The following PTPN11 variants were observed in gnomAD, a reference collection of about 807,000 sequenced individuals.
PTPN11 encodes the protein tyrosine-protein phosphatase non-receptor type 11.
Under a neutral mutation model 78.8 loss-of-function variants are expected in PTPN11, and 6 were observed. The ratio of observed to expected loss-of-function variants is 0.08; its 90% CI spans 0.04 to 0.15. The LOEUF is 0.15. PTPN11 is among the 10% of genes least tolerant of loss of function. The probability of loss-of-function intolerance (pLI) is 1.00; values close to 1 mark genes in which losing one functional copy is unlikely to be tolerated. For missense variants in PTPN11, 386 were observed against 744.8 expected (o/e 0.52, Z 5.61); for synonymous variants, 221 against 263.5 (o/e 0.84, Z 1.56).
chr12:112,439,448 C>T (rs1341678036), intron 1 of PTPN11, among the ~76,000 whole-genome samples: 1 of 151,970 alleles, frequency 6.6e-6, no homozygotes, highest in Non-Finnish European at 1.5e-5. Context: ...TGCCAGCCAC[C>T]ATGCCCAGCT....
At chr12:112,467,168 G>A (rs945364307) in intron 6 of PTPN11, among the ~76,000 whole-genome samples, 4 of 152,072 alleles carry the variant, frequency 2.6e-5, no homozygotes, top group Admixed American at 1.3e-4. Flanking sequence ...GAGTAGTGCC[G>A]TTGGGTACTC....
chr12:112,442,874 A>G (rs1566162806), intron 1 of PTPN11, among the ~76,000 whole-genome samples: 1 of 76,562 alleles, frequency 1.3e-5, no homozygotes, highest in East Asian at 5.3e-4. Context: ...ATATATATAT[A>G]TATAAATTAT....
chr12:112,491,640 C>A (rs967837041), intron 13 of PTPN11, among the ~76,000 whole-genome samples: 5 of 152,184 alleles, frequency 3.3e-5, no homozygotes, highest in Admixed American at 6.5e-5. Context: ...AGACCATCTT[C>A]AAATTTTGTC....
chr12:112,483,490 G>A (rs1181967672), intron 10 of PTPN11, among the ~76,000 whole-genome samples: 2 of 152,220 alleles, frequency 1.3e-5, no homozygotes, highest in African/African-American at 4.8e-5. Flanking sequence ...CAGCGCACCC[G>A]GCCAAGGGAG....
chr12:112,454,413 C>T, intron 4 of PTPN11, 151 bp from the exon 5 acceptor site: 1 of 716,278 alleles, frequency 1.4e-6, no homozygotes, highest in South Asian at 1.6e-5. Flanking sequence ...AGCCACTGCA[C>T]CCAGCCTATT....
chr12:112,490,198 G>A (rs1219303474), intron 13 of PTPN11, among the ~76,000 whole-genome samples: 6 of 151,954 alleles, frequency 3.9e-5, no homozygotes, highest in African/African-American at 1.2e-4. Flanking sequence ...TACTTAATTT[G>A]GCTCAAGAAT....
rs2038941636 is a variant in PTPN11, at chr12:112,506,887, C to T, written c.*1095C>T. Reference sequence around the variant, plus strand: ...CCCAAGAGCTCAAAAGCAGAAATGGCCAGGCCTTCTGAAAACTTAAGTCCA... The same window carrying T: ...CCCAAGAGCTCAAAAGCAGAAATGGTCAGGCCTTCTGAAAACTTAAGTCCA... On this transcript the variant is annotated 3_prime_UTR_variant, in exon 16 of 16. Transcript: ENST00000351677. 5.2e-6 allele frequency: 1 copy of T among 191,538 alleles called. No individual in the cohort carries two copies. Among genetic ancestry groups the T allele is most frequent in the Non-Finnish European group, 1.1e-5 (1 of 91,348 alleles). 11.9% of individuals were successfully genotyped at this position (191,538 alleles called of 1,614,324 possible). A position where few individuals can be genotyped will look rare whatever the true frequency, so the allele number is the denominator to read the frequency against.
At chr12:112,450,153 CAT>C (rs952327813) in intron 2 of PTPN11, among the ~76,000 whole-genome samples, 163 bp from the exon 3 acceptor site, 11 of 151,230 alleles carry the variant, frequency 7.3e-5, no homozygotes, top group South Asian at 2.1e-4. Context: ...AGTTGGTTGA[CAT>C]GTGGTTATTT....
chr12:112,467,328 A>G (rs1305732824), intron 6 of PTPN11, among the ~76,000 whole-genome samples: 1 of 152,082 alleles, frequency 6.6e-6, no homozygotes, highest in East Asian at 1.9e-4. Context: ...TATAAAGACA[A>G]GAGGTTTAAT....
At chr12:112,492,043 G>C (rs943758656) in intron 13 of PTPN11, among the ~76,000 whole-genome samples, 1 of 152,184 alleles carries the variant, frequency 6.6e-6, no homozygotes, top group African/African-American at 2.4e-5. Flanking sequence ...ATCTGGAACA[G>C]TTTCTCAGTC....
chr12:112,453,646 GTTTT>G (rs376601242), intron 4 of PTPN11, among the ~76,000 whole-genome samples: 3 of 116,580 alleles, frequency 2.6e-5, no homozygotes, highest in Admixed American at 1.7e-4. Flanking sequence ...CAGATTTTCT[GTTTT>G]TTTTTTTTTT....
intron 1 of PTPN11, among the ~76,000 whole-genome samples, chr12:112,437,077 T>C (rs187916423): frequency 1.3e-5 from 2 of 152,294 alleles, no homozygotes; most frequent in South Asian, 2.1e-4. Context: ...CCTTTCCTTA[T>C]TCTAAGGTTA....
At chr12:112,462,712 TA>T (rs2038266750) in intron 6 of PTPN11, among the ~76,000 whole-genome samples, 1 of 152,222 alleles carries the variant, frequency 6.6e-6, no homozygotes, top group Admixed American at 6.5e-5. Context: ...CTTGCTTTTT[TA>T]AATATCCTGG....
chr12:112,454,035 A>G (rs1372728739), intron 4 of PTPN11, among the ~76,000 whole-genome samples: 4 of 152,038 alleles, frequency 2.6e-5, no homozygotes, highest in African/African-American at 7.2e-5. Flanking sequence ...GTATTAGTAT[A>G]TTAGCATATT....
chr12:112,440,221 G>T (rs570679192), intron 1 of PTPN11, among the ~76,000 whole-genome samples: 1 of 152,222 alleles, frequency 6.6e-6, no homozygotes, highest in East Asian at 1.9e-4. Context: ...TAGAATAATA[G>T]GTATCACATA....
chr12:112,461,316 TA>T (rs2038243972), intron 6 of PTPN11, among the ~76,000 whole-genome samples: 1 of 151,902 alleles, frequency 6.6e-6, no homozygotes, highest in African/African-American at 2.4e-5. Context: ...TCCTTCTTAC[TA>T]AGCAGTTTTC....
At chr12:112,478,981 T>G (rs73427514) in intron 9 of PTPN11, among the ~76,000 whole-genome samples, 7,799 of 152,186 alleles carry the variant, frequency 0.051, 485 homozygotes, top group African/African-American at 0.15. Flanking sequence ...TGATCCACCT[T>G]CCTTGACCTC....
At chr12:112,502,059 C>CT (rs2038880562) in intron 13 of PTPN11, 85 bp from the exon 14 acceptor site, 11 of 1,089,964 alleles carry the variant, frequency 1.0e-5, no homozygotes, top group South Asian at 4.0e-5. Context: ...CCTCTTTTTT[C>CT]TTTTTTTGGG....
chr12:112,496,004 G>A (rs947556048), intron 13 of PTPN11, among the ~76,000 whole-genome samples: 1 of 152,028 alleles, frequency 6.6e-6, no homozygotes, highest in African/African-American at 2.4e-5. Flanking sequence ...TCAAGAAAAG[G>A]GAAATAAAGC....
Sources: gnomAD v4.1 joint callset for allele counts (sites outside exome capture counted in the v4.1 genomes callset) on GRCh38, gnomAD v4.1.1 for gene constraint, MANE v1.5 for transcripts, NCBI Gene and HGNC (gene_info 2026-07-23, HGNC 2026-07-21) for gene names.